The following OLFM3 variants were observed in gnomAD, a reference collection of about 807,000 sequenced individuals.
OLFM3 encodes the protein olfactomedin 3.
A neutral mutation model predicts 48.6 loss-of-function variants in OLFM3; 20 were observed. The observed-to-expected ratio is 0.41, with a 90% CI of 0.29 to 0.60. The LOEUF is 0.60. OLFM3 is among the 20% of genes least tolerant of loss of function. The probability of loss-of-function intolerance (pLI) is 0.28; values close to 1 mark genes in which losing one functional copy is unlikely to be tolerated. For synonymous variants in OLFM3, 222 were observed against 198.1 expected (o/e 1.12, Z -1.01); for missense variants, 437 against 544.3 (o/e 0.80, Z 1.96).
At chr1:101,829,163 T>C (rs1655027519) in intron 3 of OLFM3, among the ~76,000 whole-genome samples, 1 of 152,230 alleles carries the variant, frequency 6.6e-6, no homozygotes, top group Non-Finnish European at 1.5e-5. Context: ...ATGTGCTCGA[T>C]AAATACTGGC....
intron 1 of OLFM3, among the ~76,000 whole-genome samples, chr1:101,926,439 T>C (rs532689632): frequency 1.3e-5 from 2 of 152,190 alleles, no homozygotes; most frequent in Non-Finnish European, 2.9e-5. Flanking sequence ...GATAGATCAA[T>C]GGAACAGGGC....
chr1:101,952,424 C>A (rs1217202896), intron 1 of OLFM3, among the ~76,000 whole-genome samples: 1 of 151,836 alleles, frequency 6.6e-6, no homozygotes, highest in Non-Finnish European at 1.5e-5. Context: ...TATTTTAAAG[C>A]AACAGAAACA....
In OLFM3 at chr1:101,824,984, A is replaced by T; in HGVS notation, c.592+42T>A. On this transcript the variant is annotated intron_variant, in intron 4 of 5. Coordinates refer to ENST00000370103, the MANE Select transcript of OLFM3 (RefSeq NM_058170.4). Reference sequence around the variant, plus strand: ...TAAGAGCACAATTTTCTTTGAAACTATATAAAAACGTAACTTAGACAAATT... The same window carrying T: ...TAAGAGCACAATTTTCTTTGAAACTTTATAAAAACGTAACTTAGACAAATT... 3.3e-6 allele frequency: 5 copies of T among 1,530,872 alleles called. No homozygotes were observed. In the South Asian group the frequency reaches 4.5e-5, roughly 14 times the overall value. The allele number at this position is 1,530,872 out of a possible 1,614,324, so 94.8% of individuals were successfully genotyped here. A position where few individuals can be genotyped will look rare whatever the true frequency, so the allele number is the denominator to read the frequency against.
intron 2 of OLFM3, among the ~76,000 whole-genome samples, chr1:101,831,249 CG>C: frequency 6.6e-6 from 1 of 152,160 alleles, no homozygotes; most frequent in African/African-American, 2.4e-5. Context: ...AGTGAAGTGT[CG>C]AAGAGGCCTA....
chr1:101,895,412 TACACACAC>T lies in OLFM3; in HGVS notation c.70-58395_70-58388del, dbSNP rs35047632. 3.2e-3 allele frequency among the ~76,000 whole-genome samples: 462 copies of T among 144,186 alleles called. 3 individuals are homozygous for T. Among genetic ancestry groups the T allele is most frequent in the African/African-American group, 8.8e-3 (343 of 38,966 alleles). 94.6% of individuals were successfully genotyped at this position (144,186 alleles called of 152,430 possible). ...ATTCTACCTTGGTAAAGCTCAAGAATACACACACACACACACACACACACACACACACA... is the reference window on the plus strand; with the variant it reads ...ATTCTACCTTGGTAAAGCTCAAGAATACACACACACACACACACACACACA... On this transcript the variant is annotated intron_variant, in intron 1 of 5. Coordinates refer to ENST00000370103, the MANE Select transcript of OLFM3 (RefSeq NM_058170.4).
chr1:101,959,478 A>G (rs528715858), intron 1 of OLFM3, among the ~76,000 whole-genome samples: 3 of 152,128 alleles, frequency 2.0e-5, no homozygotes, highest in Non-Finnish European at 4.4e-5. Context: ...TCCCTCATCA[A>G]GCACTTCTAC....
rs12093948 is a variant in OLFM3, at chr1:101,805,159, C to T, written c.700-244G>A. Among the ~76,000 whole-genome samples the T allele has an allele frequency of 5.7e-3, 864 of 151,842 alleles. 10 individuals carry two copies. Among genetic ancestry groups the T allele is most frequent in the African/African-American group, 0.019 (806 of 41,478 alleles). On this transcript the variant is annotated intron_variant, in intron 5 of 5. Coordinates refer to ENST00000370103, the MANE Select transcript of OLFM3 (RefSeq NM_058170.4). ...ATTAATTTGCTTTTTTGCTTTTTCT[C>T]TCTTTGTTTTTTAAATTCCTGACCA... is the stretch of plus-strand genomic sequence containing the variant.
At chr1:101,944,710 T>A (rs1442290911) in intron 1 of OLFM3, among the ~76,000 whole-genome samples, 2 of 151,830 alleles carry the variant, frequency 1.3e-5, no homozygotes, top group African/African-American at 4.8e-5. Context: ...CGAAACCCCA[T>A]CTCTACTAAA....
At chr1:101,840,779 T>C (rs1254092025) in intron 1 of OLFM3, among the ~76,000 whole-genome samples, 1 of 152,196 alleles carries the variant, frequency 6.6e-6, no homozygotes, top group African/African-American at 2.4e-5. Flanking sequence ...ATTATTTTAA[T>C]ACCCTTTCAT....
rs552622635 is a variant in OLFM3 at position 101,923,612 on chromosome 1, AT to A, written c.69+73135del. 1.4e-3 allele frequency among the ~76,000 whole-genome samples: 218 copies of A among 150,520 alleles called. 1 individual carries two copies. The highest frequency in any genetic ancestry group is 3.8e-3 in the African/African-American group (156 of 41,152). Reference sequence around the variant, plus strand: ...ATTCTAACAAATAAAATGTATATGGATTTTTTTTTTACTTATTCTTAAAAGG... The same window carrying A: ...ATTCTAACAAATAAAATGTATATGGATTTTTTTTTACTTATTCTTAAAAGG... On this transcript the variant is annotated intron_variant, in intron 1 of 5. Transcript: ENST00000370103.
At chr1:101,849,610 G>T (rs1455475854) in intron 1 of OLFM3, among the ~76,000 whole-genome samples, 1 of 152,198 alleles carries the variant, frequency 6.6e-6, no homozygotes, top group African/African-American at 2.4e-5. Flanking sequence ...GCTGCAGAGA[G>T]TGCAAAGCAT....
At chr1:101,847,492 AT>A (rs1230662441) in intron 1 of OLFM3, among the ~76,000 whole-genome samples, 1 of 152,050 alleles carries the variant, frequency 6.6e-6, no homozygotes, top group Admixed American at 6.5e-5. Context: ...AAGTCTGCAA[AT>A]AATTTTCCAG....
At chr1:101,832,647 T>C (rs1407833526) in intron 2 of OLFM3, among the ~76,000 whole-genome samples, 3 of 152,208 alleles carry the variant, frequency 2.0e-5, no homozygotes, top group African/African-American at 7.2e-5. Context: ...TTCCAAGACC[T>C]TACACGGAAC....
At position 101,835,833 on chromosome 1, in the gene OLFM3, C is replaced by A. The variant is rs542020283; in HGVS notation, c.216+1046G>T. On this transcript the variant is annotated intron_variant, in intron 2 of 5. Transcript: ENST00000370103. Reference sequence around the variant, plus strand: ...GCTTTATATAAGCACATGAAAAAATCCTAAAATCTTAGAGCATCAATATAC... The same window carrying A: ...GCTTTATATAAGCACATGAAAAAATACTAAAATCTTAGAGCATCAATATAC... 5.9e-5 allele frequency among the ~76,000 whole-genome samples: 9 copies of A among 152,174 alleles called. No homozygotes were observed. In the South Asian group the frequency reaches 1.9e-3, roughly 32 times the overall value.
chr1:101,906,025 AAGCT>A, intron 1 of OLFM3, among the ~76,000 whole-genome samples: 1 of 152,248 alleles, frequency 6.6e-6, no homozygotes, highest in Non-Finnish European at 1.5e-5. Flanking sequence ...TTTTTAAGAA[AAGCT>A]GTAATAGGGC....
intron 1 of OLFM3, among the ~76,000 whole-genome samples, chr1:101,921,997 T>C (rs1006047758): frequency 1.3e-5 from 2 of 152,090 alleles, no homozygotes; most frequent in African/African-American, 2.4e-5. Flanking sequence ...AGATGGAGGT[T>C]GCAGTGAGCA....
At chr1:101,819,914 T>C (rs561302954) in intron 4 of OLFM3, among the ~76,000 whole-genome samples, 1 of 152,144 alleles carries the variant, frequency 6.6e-6, no homozygotes, top group South Asian at 2.1e-4. Flanking sequence ...AAATAGCACA[T>C]GCAAAGCAGC....
At chr1:101,921,040 G>A (rs2101037988) in intron 1 of OLFM3, among the ~76,000 whole-genome samples, 1 of 152,150 alleles carries the variant, frequency 6.6e-6, no homozygotes. Flanking sequence ...AAATATAAAT[G>A]TCTTGACTAC....
intron 1 of OLFM3, among the ~76,000 whole-genome samples, chr1:101,974,866 G>C (rs1660907591): frequency 6.6e-6 from 1 of 152,102 alleles, no homozygotes; most frequent in Non-Finnish European, 1.5e-5. Flanking sequence ...TCTAGAAAAA[G>C]GTGCAGGTTA....
Sources: gnomAD v4.1 joint callset for allele counts (sites outside exome capture counted in the v4.1 genomes callset) on GRCh38, gnomAD v4.1.1 for gene constraint, MANE v1.5 for transcripts, NCBI Gene and HGNC (gene_info 2026-07-23, HGNC 2026-07-21) for gene names.